The following ARHGAP22 variants were observed in gnomAD, a reference collection of about 807,000 sequenced individuals.
The protein encoded by ARHGAP22 is Rho GTPase activating protein 22.
In ARHGAP22, 48 loss-of-function variants were observed where a neutral mutation model predicts 59.1. The ratio of observed to expected loss-of-function variants is 0.81; its 90% CI spans 0.64 to 1.03. The LOEUF is 1.03. ARHGAP22 is among the 50% of genes least tolerant of loss of function. The probability of loss-of-function intolerance (pLI) is 0.00; values close to 1 mark genes in which losing one functional copy is unlikely to be tolerated. For missense variants in ARHGAP22, 1,015 were observed against 958.7 expected, an observed-to-expected ratio of 1.06 and a Z score of -0.78; for synonymous variants, 445 against 416.4, an observed-to-expected ratio of 1.07 and a Z score of -0.84.
At position 48,493,340 on chromosome 10, in the gene ARHGAP22, C is replaced by T. The variant is rs1478775923; in HGVS notation, c.323-13576G>A. ...TCTTTCATTTCTCTTTACCTGGTTG[C>T]GGCCACCAAACACCACTTCCCTTTC... is the stretch of plus-strand genomic sequence containing the variant. On this transcript the variant is annotated intron_variant, in intron 3 of 9. Coordinates refer to ENST00000249601, the MANE Select transcript of ARHGAP22 (RefSeq NM_021226.4). 18 of 1,239,136 alleles carry T rather than the reference C, an allele frequency of 1.5e-5. 1 individual carries two copies. Among genetic ancestry groups the T allele is most frequent in the South Asian group, 9.5e-5 (7 of 73,590 alleles). The allele number at this position is 1,239,136 out of a possible 1,614,324, so 76.8% of individuals were successfully genotyped here.
chr10:48,530,008 G>A (rs1288818154), intron 3 of ARHGAP22, among the ~76,000 whole-genome samples: 1 of 152,086 alleles, frequency 6.6e-6, no homozygotes, highest in Non-Finnish European at 1.5e-5. Flanking sequence ...AGGCCAACGT[G>A]GGCAGATCAT....
the ARHGAP22 span, chr10:48,435,032 A>T: frequency 2.2e-6 from 2 of 906,744 alleles, no homozygotes; most frequent in East Asian, 6.0e-5. Flanking sequence ...GTAGATGACT[A>T]CTTGGGCCAT....
chr10:48,604,146 A>C (rs1408205855), intron 1 of ARHGAP22, among the ~76,000 whole-genome samples: 1 of 152,222 alleles, frequency 6.6e-6, no homozygotes, highest in Non-Finnish European at 1.5e-5. Flanking sequence ...CGCTGGCTGG[A>C]CACAGGCTGG....
At chr10:48,474,545 C>T (rs1363909003) in intron 4 of ARHGAP22, among the ~76,000 whole-genome samples, 1 of 145,562 alleles carries the variant, frequency 6.9e-6, no homozygotes, top group Non-Finnish European at 1.5e-5. Context: ...CAGTCTTCCT[C>T]GATTAAGTAT....
At chr10:48,520,764 G>A (rs2053731118) in intron 3 of ARHGAP22, among the ~76,000 whole-genome samples, 1 of 152,164 alleles carries the variant, frequency 6.6e-6, no homozygotes, top group Non-Finnish European at 1.5e-5. Flanking sequence ...AAGAGCTGCT[G>A]CTGCTGAGAG....
the ARHGAP22 span, chr10:48,438,864 G>A: frequency 2.0e-5 from 3 of 152,292 alleles, no homozygotes; most frequent in Non-Finnish European, 4.4e-5. Context: ...AAACCTGCTC[G>A]TGATATCGGT....
intron 3 of ARHGAP22, among the ~76,000 whole-genome samples, chr10:48,502,302 G>C (rs1473344524): frequency 6.6e-6 from 1 of 152,178 alleles, no homozygotes; most frequent in Non-Finnish European, 1.5e-5. Context: ...GGAGGACTCT[G>C]ATTTTTCTCC....
the ARHGAP22 span, chr10:48,431,169 C>T: frequency 4.0e-6 from 6 of 1,518,854 alleles, no homozygotes; most frequent in Non-Finnish European, 4.6e-6. Flanking sequence ...TTGAAAAGTT[C>T]ATTTTTGTTT....
intron 2 of ARHGAP22, among the ~76,000 whole-genome samples, chr10:48,568,921 A>T (rs867391732): frequency 4.6e-5 from 7 of 152,136 alleles, no homozygotes; most frequent in African/African-American, 1.4e-4. Context: ...CGAAGAACAG[A>T]CCCAGCTACT....
At chr10:48,649,298 G>C (rs111937528) in intron 1 of ARHGAP22, among the ~76,000 whole-genome samples, 20 of 152,238 alleles carry the variant, frequency 1.3e-4, no homozygotes, top group Middle Eastern at 3.4e-3. Flanking sequence ...TGCCAGCAGT[G>C]GGGGAGAGAG....
chr10:48,579,016 A>T (rs886742130), intron 2 of ARHGAP22, among the ~76,000 whole-genome samples: 1 of 151,812 alleles, frequency 6.6e-6, no homozygotes, highest in African/African-American at 2.4e-5. Context: ...TAACCTATTC[A>T]TGTTTATTAT....
chr10:48,489,383 T>C (rs1420912841), intron 3 of ARHGAP22, among the ~76,000 whole-genome samples: 1 of 152,200 alleles, frequency 6.6e-6, no homozygotes, highest in Non-Finnish European at 1.5e-5. Context: ...ACAGGTTTGT[T>C]TGCCCATAAA....
chr10:48,580,392 G>A (rs955745825), intron 2 of ARHGAP22, among the ~76,000 whole-genome samples: 17 of 152,178 alleles, frequency 1.1e-4, no homozygotes, highest in Non-Finnish European at 2.4e-4. Context: ...GCCACTTCAA[G>A]GTTCACTATA....
At chr10:48,448,269 A>T (rs874208) in intron 9 of ARHGAP22, among the ~76,000 whole-genome samples, 41,744 of 151,502 alleles carry the variant, frequency 0.28, 6,247 homozygotes, top group South Asian at 0.38. Context: ...TCTCCTTCCC[A>T]GGGCCCTCCA....
chr10:48,453,519 G>A lies in ARHGAP22; in HGVS notation c.867-94C>T, dbSNP rs1468201950. On this transcript the variant is annotated intron_variant, in intron 7 of 9. Coordinates refer to ENST00000249601, the MANE Select transcript of ARHGAP22 (RefSeq NM_021226.4). Reference sequence around the variant, plus strand: ...GGACGCACCGCCACACCCCTGCTGAGCCCTGCTGCCTGTGGGCTTTTGCCC... The same window carrying A: ...GGACGCACCGCCACACCCCTGCTGAACCCTGCTGCCTGTGGGCTTTTGCCC... 5 of 1,563,366 alleles carry A rather than the reference G, an allele frequency of 3.2e-6. No homozygotes were observed. In the East Asian group the frequency reaches 9.1e-5, roughly 28 times the overall value.
intron 1 of ARHGAP22, among the ~76,000 whole-genome samples, chr10:48,646,310 AT>A (rs2062294332): frequency 6.6e-6 from 1 of 152,214 alleles, no homozygotes. Flanking sequence ...TCTCAGAAAC[AT>A]TTTATGGGGT....
chr10:48,548,694 A>G (rs997305832), intron 3 of ARHGAP22, among the ~76,000 whole-genome samples: 1 of 152,186 alleles, frequency 6.6e-6, no homozygotes, highest in Non-Finnish European at 1.5e-5. Flanking sequence ...ATCAGCAAAA[A>G]GCCCAGGTCT....
intron 1 of ARHGAP22, among the ~76,000 whole-genome samples, chr10:48,599,649 C>T (rs925794168): frequency 3.3e-5 from 5 of 152,226 alleles, no homozygotes; most frequent in Non-Finnish European, 5.9e-5. Flanking sequence ...GTATCCATGG[C>T]CAACACCTGG....
chr10:48,505,860 A>G (rs2052065219), intron 3 of ARHGAP22, among the ~76,000 whole-genome samples: 1 of 152,172 alleles, frequency 6.6e-6, no homozygotes, highest in African/African-American at 2.4e-5. Flanking sequence ...TGGCTTGACA[A>G]ATGGCAGAGG....
Sources: gnomAD v4.1 joint callset for allele counts (sites outside exome capture counted in the v4.1 genomes callset) on GRCh38, gnomAD v4.1.1 for gene constraint, MANE v1.5 for transcripts, NCBI Gene and HGNC (gene_info 2026-07-23, HGNC 2026-07-21) for gene names.